Variants in ELP1 observed in about 807,000 individuals in gnomAD.
ELP1 encodes elongator acetyltransferase complex subunit 1.
A neutral mutation model predicts 183.2 loss-of-function variants in ELP1; 131 were observed. The ratio of observed to expected loss-of-function variants is 0.72; its 90% CI spans 0.62 to 0.83. The LOEUF (loss-of-function observed/expected upper bound fraction) is 0.83. Ranked by LOEUF, ELP1 falls within the 40% of genes least tolerant of loss-of-function variation. The pLI is 0.00. For synonymous variants in ELP1, 555 were observed against 569.0 expected (o/e 0.98, Z 0.35); for missense variants, 1,550 against 1,594.9 (o/e 0.97, Z 0.48).
At chr9:108,874,607 C>A (rs1281313673) in intron 36 of ELP1, among the ~76,000 whole-genome samples, 1 of 152,150 alleles carries the variant, frequency 6.6e-6, no homozygotes, top group Non-Finnish European at 1.5e-5. Flanking sequence ...TAGACTGAAA[C>A]TGGAACTGTG....
intron 9 of ELP1, among the ~76,000 whole-genome samples, chr9:108,917,162 T>C (rs535503492): frequency 6.6e-6 from 1 of 152,280 alleles, no homozygotes; most frequent in South Asian, 2.1e-4. Flanking sequence ...TATATATCCA[T>C]ATCAAATATA....
chr9:108,914,257 G>C (rs762901178), intron 10 of ELP1, among the ~76,000 whole-genome samples: 1 of 151,872 alleles, frequency 6.6e-6, no homozygotes, highest in Non-Finnish European at 1.5e-5. Context: ...AAATTAGCCA[G>C]GCTTGGTGGC....
intron 20 of ELP1, 113 bp downstream of exon 20, chr9:108,899,709 T>C (rs1828696057): frequency 5.0e-6 from 4 of 795,598 alleles, no homozygotes; most frequent in Non-Finnish European, 8.5e-6. Context: ...ATTGATGATA[T>C]AGGTAATGAG....
intron 29 of ELP1, among the ~76,000 whole-genome samples, chr9:108,887,196 A>T (rs1490556718): frequency 6.6e-6 from 1 of 152,074 alleles, no homozygotes; most frequent in African/African-American, 2.4e-5. Flanking sequence ...GTGACAGAGC[A>T]AGACTCTGTC....
At chr9:108,896,240 G>A (rs1828540785) in intron 25 of ELP1, among the ~76,000 whole-genome samples, 1 of 152,102 alleles carries the variant, frequency 6.6e-6, no homozygotes, top group South Asian at 2.1e-4. Flanking sequence ...CTGGGCGACT[G>A]AGTGAGACTC....
chr9:108,924,132 G>A (rs1433658155), intron 5 of ELP1, among the ~76,000 whole-genome samples: 2 of 152,176 alleles, frequency 1.3e-5, no homozygotes, highest in Non-Finnish European at 2.9e-5. Flanking sequence ...CTTTTCCAAT[G>A]GAAGACAAGA....
chr9:108,906,546 T>C (rs772249183), intron 13 of ELP1, 61 bp from the exon 14 acceptor site: 13 of 1,437,976 alleles, frequency 9.0e-6, no homozygotes, highest in Non-Finnish European at 1.2e-5. Flanking sequence ...ACTGAGACGT[T>C]CCTGGATGAA....
At chr9:108,884,916 C>A (rs1828066966) in intron 29 of ELP1, among the ~76,000 whole-genome samples, 2 of 151,348 alleles carry the variant, frequency 1.3e-5, no homozygotes, top group Non-Finnish European at 2.9e-5. Flanking sequence ...CCCATCTCTA[C>A]AAAAAAAATT....
chr9:108,917,588 G>T lies in ELP1; in HGVS notation c.823C>A (p.His275Asn). The change falls in exon 9 of 37, where the codon CAT becomes AAT. Residue 275 changes from histidine to asparagine, a missense_variant. His to Asn is a moderately conservative substitution (Grantham distance 68). Transcript: ENST00000374647. ...AGGAAGGGAAGTGTAAAGTGTCCAT[G>T]AAGGAGTCCATTTTTCTCAAAAAAC... is the stretch of plus-strand genomic sequence containing the variant. ...IVFFEKNGLL[H>N]GHFTLPFLKD... 1 of 1,613,858 alleles carries T rather than the reference G, an allele frequency of 6.2e-7. No individual in the cohort carries two copies. Among genetic ancestry groups the T allele is most frequent in the South Asian group, 1.1e-5 (1 of 91,076 alleles).
chr9:108,917,903 C>G (rs1564101432), intron 8 of ELP1, among the ~76,000 whole-genome samples: 1 of 152,312 alleles, frequency 6.6e-6, no homozygotes, highest in Non-Finnish European at 1.5e-5. Flanking sequence ...CTGTTTTACA[C>G]AGAGGCTCCA....
At chr9:108,903,003 A>G (rs1828870203) in intron 15 of ELP1, 61 bp from the exon 16 acceptor site, 1 of 1,219,100 alleles carries the variant, frequency 8.2e-7, no homozygotes. Flanking sequence ...AAAACCATCA[A>G]CATCAACATT....
At chr9:108,878,917 C>T (rs1166808189) in intron 33 of ELP1, among the ~76,000 whole-genome samples, 167 bp from the exon 34 acceptor site, 2 of 152,174 alleles carry the variant, frequency 1.3e-5, no homozygotes, top group Non-Finnish European at 2.9e-5. Context: ...TATAATCTTG[C>T]ATTGCTTTAC....
intron 33 of ELP1, 150 bp downstream of exon 33, chr9:108,879,296 T>C (rs1479910334): frequency 1.4e-6 from 1 of 703,012 alleles, no homozygotes; most frequent in Non-Finnish European, 2.6e-6. Context: ...TCAGATATGC[T>C]GGGAAAGTGT....
intron 13 of ELP1, among the ~76,000 whole-genome samples, 165 bp from the exon 14 acceptor site, chr9:108,906,650 T>A (rs1829032547): frequency 6.6e-6 from 1 of 152,204 alleles, no homozygotes; most frequent in South Asian, 2.1e-4. Flanking sequence ...CTAAAATTAA[T>A]CTTTGTCTGG....
At position 108,926,599 on chromosome 9, in the gene ELP1, T is replaced by A; in HGVS notation, c.390A>T (p.Gln130His). The A allele has an allele frequency of 6.2e-7, 1 of 1,611,782 alleles. No individual in the cohort carries two copies. Among genetic ancestry groups the A allele is most frequent in the Non-Finnish European group, 8.5e-7 (1 of 1,179,172 alleles). ...DQELVLLATG[Q>H]QTLIMMTKDF... ...CTTTTGTCATCATAATCAGGGTCTG[T>A]TGACCTTAGAGAAACACAAACAAAA... Residue 130 changes from glutamine to histidine, a missense_variant, in exon 5 of 37, where the codon CAA becomes CAT. Coordinates refer to ENST00000374647, the MANE Select transcript of ELP1 (RefSeq NM_003640.5).
intron 12 of ELP1, among the ~76,000 whole-genome samples, chr9:108,908,663 G>A (rs567275016): frequency 2.0e-4 from 30 of 152,314 alleles, no homozygotes; most frequent in African/African-American, 6.7e-4. Flanking sequence ...TTCCTCCACT[G>A]TCTTCAACCA....
At position 108,900,127 on chromosome 9, in the gene ELP1, A is replaced by G. The variant is rs2275630; in HGVS notation, c.2130+133T>C. On this transcript the variant is annotated intron_variant, in intron 19 of 36. Transcript: ENST00000374647. Reference sequence around the variant, plus strand: ...CACTCCTTTGAATAAAGCTAACAGAAAACTATCAAGGAAAGGTTTACAATA... The same window carrying G: ...CACTCCTTTGAATAAAGCTAACAGAGAACTATCAAGGAAAGGTTTACAATA... 0.014 allele frequency: 11,478 copies of G among 818,312 alleles called. 344 individuals carry two copies. The highest frequency in any genetic ancestry group is 0.11 in the East Asian group (4,152 of 37,714). The allele number at this position is 818,312 out of a possible 1,614,324, so 50.7% of individuals were successfully genotyped here.
At chr9:108,928,297 C>A (rs1331034776) in intron 3 of ELP1, among the ~76,000 whole-genome samples, 1 of 152,150 alleles carries the variant, frequency 6.6e-6, no homozygotes, top group Non-Finnish European at 1.5e-5. Flanking sequence ...ATATCTTTTT[C>A]TTCCCAGAGC....
intron 22 of ELP1, among the ~76,000 whole-genome samples, chr9:108,897,583 A>AG (rs1286449299): frequency 6.6e-6 from 1 of 152,266 alleles, no homozygotes; most frequent in Non-Finnish European, 1.5e-5. Context: ...CAATAAAAAA[A>AG]GAATGAACTA....
Sources: gnomAD v4.1 joint callset for allele counts (sites outside exome capture counted in the v4.1 genomes callset) on GRCh38, gnomAD v4.1.1 for gene constraint, MANE v1.5 for transcripts, NCBI Gene and HGNC (gene_info 2026-07-23, HGNC 2026-07-21) for gene names.